The following NEK6 variants were observed in gnomAD, a reference collection of about 807,000 sequenced individuals.
The protein encoded by NEK6 is NIMA related kinase 6, also known as serine/threonine-protein kinase Nek6.
NEK6 carries 27 observed loss-of-function variants against 43.5 expected under a neutral mutation model. That is an observed-to-expected ratio of 0.62 (90% CI 0.46 to 0.86). The LOEUF is 0.86. Ranked by LOEUF, NEK6 falls within the 40% of genes least tolerant of loss-of-function variation. The pLI is 0.00. For synonymous variants in NEK6, 167 were observed against 164.1 expected, an observed-to-expected ratio of 1.02 and a Z score of -0.14; for missense variants, 318 against 414.4, an observed-to-expected ratio of 0.77 and a Z score of 2.02.
intron 7 of NEK6, among the ~76,000 whole-genome samples, chr9:124,337,287 T>C (rs1372040364): frequency 1.3e-5 from 2 of 152,224 alleles, no homozygotes; most frequent in Admixed American, 6.5e-5. Context: ...TTCCTCAGTG[T>C]TGGCGTTTCC....
At chr9:124,331,330 C>G (rs1828988125) in intron 7 of NEK6, among the ~76,000 whole-genome samples, 1 of 151,434 alleles carries the variant, frequency 6.6e-6, no homozygotes, top group Admixed American at 6.6e-5. Flanking sequence ...TATTATTATC[C>G]CATTTTACAG....
At chr9:124,305,137 G>C (rs1029325502) in intron 2 of NEK6, among the ~76,000 whole-genome samples, 1 of 152,244 alleles carries the variant, frequency 6.6e-6, no homozygotes, top group Admixed American at 6.5e-5. Context: ...AGAGAACTTC[G>C]CAGGGGATTG....
intron 2 of NEK6, among the ~76,000 whole-genome samples, chr9:124,308,006 C>T (rs540427404): frequency 2.0e-5 from 3 of 152,342 alleles, no homozygotes; most frequent in South Asian, 2.1e-4. Flanking sequence ...ACCGTCACCA[C>T]GACTGGAGAA....
At position 124,351,169 on chromosome 9, in the gene NEK6, T is replaced by C. The variant is rs564952363; in HGVS notation, c.*222T>C. The C allele has an allele frequency of 4.0e-6, 2 of 495,640 alleles. No individual in the cohort carries two copies. The highest frequency in any genetic ancestry group is 3.9e-5 in the African/African-American group (2 of 51,410). The allele number at this position is 495,640 out of a possible 1,614,324, so 30.7% of individuals were successfully genotyped here. A position where few individuals can be genotyped will look rare whatever the true frequency, so the allele number is the denominator to read the frequency against. On this transcript the variant is annotated 3_prime_UTR_variant, in exon 10 of 10. Coordinates refer to ENST00000320246, the MANE Select transcript of NEK6 (RefSeq NM_014397.6). The stretch of plus-strand genomic sequence containing the variant: ...TGGTCAGATTCCAAAGTCCTTTCTT[T>C]ATACTGTTGTGGACAATCTCAGCTG...
At chr9:124,342,024 G>A (rs781515821) in intron 8 of NEK6, among the ~76,000 whole-genome samples, 1 of 152,146 alleles carries the variant, frequency 6.6e-6, no homozygotes, top group Non-Finnish European at 1.5e-5. Context: ...AGGAGGAGTC[G>A]TGAGTTCCAG....
At chr9:124,292,108 C>T in intron 1 of NEK6, 1 of 1,078,386 alleles carries the variant, frequency 9.3e-7, no homozygotes, top group Non-Finnish European at 1.1e-6. Flanking sequence ...CTTTCTCTGC[C>T]TCCTGCTGTG....
In NEK6 at chr9:124,263,384, G is replaced by C. The variant is rs530703453; in HGVS notation, c.-30+5299G>C. 2.0e-5 allele frequency among the ~76,000 whole-genome samples: 3 copies of C among 152,346 alleles called. No homozygotes were observed. The East Asian group carries it at 5.8e-4, about 29-fold the overall frequency. The stretch of plus-strand genomic sequence containing the variant: ...AGCCTGAGCCTGGGCACCCGATGGA[G>C]TGAATGAGGCTGGAGTCCCAGACCT... On this transcript the variant is annotated intron_variant, in intron 1 of 9. Coordinates refer to ENST00000320246, the MANE Select transcript of NEK6 (RefSeq NM_014397.6).
At chr9:124,286,262 A>G (rs534630309) in intron 1 of NEK6, among the ~76,000 whole-genome samples, 1 of 152,130 alleles carries the variant, frequency 6.6e-6, no homozygotes, top group Non-Finnish European at 1.5e-5. Flanking sequence ...TTAAAGCTCT[A>G]TAGGATCCTC....
intron 4 of NEK6, among the ~76,000 whole-genome samples, chr9:124,319,861 A>G (rs767895271): frequency 1.3e-4 from 20 of 152,218 alleles, no homozygotes; most frequent in Non-Finnish European, 2.8e-4. Flanking sequence ...TATAGTTTGA[A>G]GTCCAGTAAC....
At chr9:124,336,867 G>C (rs892964965) in intron 7 of NEK6, among the ~76,000 whole-genome samples, 2 of 152,086 alleles carry the variant, frequency 1.3e-5, no homozygotes, top group Non-Finnish European at 2.9e-5. Flanking sequence ...AAATTAGCTG[G>C]GCATGATGGC....
intron 2 of NEK6, among the ~76,000 whole-genome samples, chr9:124,307,359 C>T (rs1833306599): frequency 6.6e-6 from 1 of 152,170 alleles, no homozygotes; most frequent in Non-Finnish European, 1.5e-5. Context: ...ATGCCAGCGA[C>T]ATTTCTTGGG....
At chr9:124,282,724 G>T (rs1831974546) in intron 1 of NEK6, among the ~76,000 whole-genome samples, 1 of 152,246 alleles carries the variant, frequency 6.6e-6, no homozygotes, top group African/African-American at 2.4e-5. Context: ...CTTTCATACA[G>T]GCCCCAAAGA....
intron 2 of NEK6, 77 bp downstream of exon 2, chr9:124,302,131 A>T: frequency 9.1e-7 from 1 of 1,093,792 alleles, no homozygotes; most frequent in South Asian, 1.5e-5. Flanking sequence ...CTTTGTCCAA[A>T]CTCCTACTGG....
chr9:124,322,347 A>C (rs1834109960), intron 5 of NEK6, among the ~76,000 whole-genome samples: 1 of 152,024 alleles, frequency 6.6e-6, no homozygotes, highest in African/African-American at 2.4e-5. Flanking sequence ...GCCTCATCCC[A>C]CCACCCAGGG....
intron 3 of NEK6, 128 bp from the exon 4 acceptor site, chr9:124,313,795 G>A (rs578109303): frequency 8.2e-6 from 7 of 853,188 alleles, no homozygotes; most frequent in African/African-American, 1.7e-5. Flanking sequence ...GGGAGTGCAG[G>A]GGGGGGTCAC....
At chr9:124,349,146 G>C (rs1830119105) in intron 9 of NEK6, among the ~76,000 whole-genome samples, 1 of 152,274 alleles carries the variant, frequency 6.6e-6, no homozygotes, top group Non-Finnish European at 1.5e-5. Flanking sequence ...AGGAGCTCGA[G>C]TGTCGGGCGC....
intron 7 of NEK6, among the ~76,000 whole-genome samples, chr9:124,336,468 G>A (rs1350897554): frequency 3.3e-5 from 5 of 151,990 alleles, no homozygotes; most frequent in Non-Finnish European, 1.5e-5. Flanking sequence ...TGTTTTTCCC[G>A]AAATCTCCTG....
intron 1 of NEK6, among the ~76,000 whole-genome samples, chr9:124,272,225 C>T (rs555482828): frequency 4.6e-5 from 7 of 152,334 alleles, no homozygotes; most frequent in Admixed American, 3.3e-4. Flanking sequence ...GGCCACAGGG[C>T]AGGCTCTCAG....
chr9:124,257,647 C>A (rs984865095), upstream of NEK6: 3 of 1,518,088 alleles, frequency 2.0e-6, no homozygotes, highest in African/African-American at 2.8e-5. Flanking sequence ...CACAGGAGTC[C>A]AAGGGTTGGC....
Sources: gnomAD v4.1 joint callset for allele counts (sites outside exome capture counted in the v4.1 genomes callset) on GRCh38, gnomAD v4.1.1 for gene constraint, MANE v1.5 for transcripts, NCBI Gene and HGNC (gene_info 2026-07-23, HGNC 2026-07-21) for gene names.